Variants in TBC1D9B observed in about 807,000 individuals in gnomAD.
TBC1D9B encodes the protein TBC1 domain family, member 9B (with GRAM domain).
TBC1D9B carries 87 observed loss-of-function variants against 121.1 expected under a neutral mutation model. The observed-to-expected ratio is 0.72, with a 90% CI of 0.60 to 0.86. The LOEUF (loss-of-function observed/expected upper bound fraction) is 0.86. Among genes scored for constraint, TBC1D9B ranks in the 40% least tolerant of loss-of-function variants. The pLI is 0.00. For synonymous variants in TBC1D9B, 668 were observed against 670.1 expected, an observed-to-expected ratio of 1.00 and a Z score of 0.05; for missense variants, 1,540 against 1,628.6, an observed-to-expected ratio of 0.95 and a Z score of 0.94.
In TBC1D9B at chr5:179,865,757, C is replaced by T; in HGVS notation, c.2914+81G>A. ...TCTCCCGGGGTAGGGGGCTCCCTGGCAGTGACTGGGGAAAAGACCAGCAAG... is the reference window on the plus strand; with the variant it reads ...TCTCCCGGGGTAGGGGGCTCCCTGGTAGTGACTGGGGAAAAGACCAGCAAG... On this transcript the variant is annotated intron_variant, in intron 19 of 20. Transcript: ENST00000355235. The surrounding 1 kb of genome is among the most constrained non-coding windows in gnomAD (Gnocchi z 5.1). 1 of 1,473,840 alleles carries T rather than the reference C, an allele frequency of 6.8e-7. No individual in the cohort carries two copies. Among genetic ancestry groups the T allele is most frequent in the Non-Finnish European group, 9.2e-7 (1 of 1,088,394 alleles). The allele number at this position is 1,473,840 out of a possible 1,614,324, so 91.3% of individuals were successfully genotyped here.
chr5:179,907,613 G>GCCGGAA lies in TBC1D9B; in HGVS notation c.118+85_118+90dup, dbSNP rs1761361322. On this transcript the variant is annotated intron_variant, in intron 1 of 20. Transcript: ENST00000355235. The surrounding 1 kb of genome is among the most constrained non-coding windows in gnomAD (Gnocchi z 5.3). ...GTCCGCCGCGACGCGCCGAGGCCGG[G>GCCGGAA]CCGGAACCGGACCCGCCCGCCGCCC... 1.5e-6 allele frequency: 1 copy of GCCGGAA among 682,690 alleles called. No homozygotes were observed. The highest frequency in any genetic ancestry group is 1.8e-6 in the Non-Finnish European group (1 of 556,066). 42.3% of individuals were successfully genotyped at this position (682,690 alleles called of 1,614,324 possible). A position where few individuals can be genotyped will look rare whatever the true frequency, so the allele number is the denominator to read the frequency against.
intron 3 of TBC1D9B, among the ~76,000 whole-genome samples, chr5:179,894,862 G>A (rs1760978019): frequency 6.6e-6 from 1 of 152,162 alleles, no homozygotes; most frequent in Admixed American, 6.5e-5. Context: ...GTTGTGAGCA[G>A]AGGCTTTTTA....
chr5:179,903,701 C>A (rs116716156), intron 2 of TBC1D9B, among the ~76,000 whole-genome samples: 3,662 of 152,326 alleles, frequency 0.024, 105 homozygotes, highest in African/African-American at 0.077. Flanking sequence ...CTGAATGAAG[C>A]TGCTCTCATG....
chr5:179,869,768 C>G lies in TBC1D9B; in HGVS notation c.2791+1G>C. ...CTGGGGAGTGGGCAGGAGGCTCTCA[C>G]CTGGGGGAAGGTGTAGCTTGTAGAG... On this transcript the variant is annotated splice_donor_variant, in intron 17 of 20. Transcript: ENST00000355235. LOFTEE classifies it high-confidence loss of function. 6.2e-7 allele frequency: 1 copy of G among 1,610,004 alleles called. No homozygotes were observed. The highest frequency in any genetic ancestry group is 1.1e-5 in the South Asian group (1 of 90,424).
At position 179,904,995 on chromosome 5, in the gene TBC1D9B, A is replaced by G. The variant is rs1449870458; in HGVS notation, c.119-183T>C. 6.6e-6 allele frequency among the ~76,000 whole-genome samples: 1 copy of G among 152,204 alleles called. No individual in the cohort carries two copies. ...TCAGCCAGTGTCTGATCCCGATCAA[A>G]AACATCCCCTTCTACTTCTTCCTGG... On this transcript the variant is annotated intron_variant, in intron 1 of 20. Transcript: ENST00000355235. This position sits in a 1 kb window ranked among gnomAD's most constrained non-coding sequence, Gnocchi z 4.2.
chr5:179,907,844 C>G lies in TBC1D9B; in HGVS notation c.-23G>C, dbSNP rs1487223957. On this transcript the variant is annotated 5_prime_UTR_variant, in exon 1 of 21. Transcript: ENST00000355235. The surrounding 1 kb of genome is among the most constrained non-coding windows in gnomAD (Gnocchi z 5.3). ...CATCGCGGAGCCGCTCGCACCGGGC[C>G]GAGGCCCGCGAGACGGAAGCGCCCG... The G allele has an allele frequency of 5.6e-6, 6 of 1,070,332 alleles. No individual in the cohort carries two copies. The highest frequency in any genetic ancestry group is 6.8e-6 in the Non-Finnish European group (6 of 877,186). The allele number at this position is 1,070,332 out of a possible 1,614,324, so 66.3% of individuals were successfully genotyped here.
intron 7 of TBC1D9B, among the ~76,000 whole-genome samples, chr5:179,883,273 C>T (rs768466365): frequency 2.2e-4 from 34 of 152,150 alleles, no homozygotes; most frequent in Non-Finnish European, 4.7e-4. Flanking sequence ...TATACAAGTT[C>T]AAGCTTATTT....
rs1366788228 is a variant in TBC1D9B, at chr5:179,870,766, G to A, written c.2485-271C>T. ...TCTGCTGGCCCCAGAGAAGGGCTGA[G>A]CCTTCCTGGCAGGGCTCCAGGGAAA... is the stretch of plus-strand genomic sequence containing the variant. On this transcript the variant is annotated intron_variant, in intron 15 of 20. Coordinates refer to ENST00000355235, the MANE Select transcript of TBC1D9B (RefSeq NM_015043.4). The A allele has an allele frequency of 6.3e-6, 3 of 474,538 alleles. No homozygotes were observed. The East Asian group carries it at 1.1e-4, about 17-fold the overall frequency. The allele number at this position is 474,538 out of a possible 1,614,324, so 29.4% of individuals were successfully genotyped here.
intron 5 of TBC1D9B, 97 bp downstream of exon 5, chr5:179,893,112 C>T: frequency 6.7e-7 from 1 of 1,484,682 alleles, no homozygotes; most frequent in Non-Finnish European, 8.9e-7. Flanking sequence ...AATGTGGACA[C>T]CTTCTCCAGG....
intron 7 of TBC1D9B, among the ~76,000 whole-genome samples, chr5:179,881,945 C>CGTTTTTTTTTTTTTTTT (rs1760554384): frequency 7.2e-6 from 1 of 139,262 alleles, no homozygotes; most frequent in African/African-American, 3.3e-5. Context: ...ATATACCTTC[C>CGTTTTTTTTTTTTTTTT]GTTTTTTTTT....
At chr5:179,873,075 C>T in intron 13 of TBC1D9B, 44 bp downstream of exon 13, 1 of 1,612,114 alleles carries the variant, frequency 6.2e-7, no homozygotes, top group Non-Finnish European at 8.5e-7. Flanking sequence ...AACCCACATG[C>T]CAGATGGAGC....
In TBC1D9B at chr5:179,904,220, C is replaced by CTTTCTTTTTTT. The variant is rs1554098283; in HGVS notation, c.229+481_229+482insAAAAAAAGAAA. Among the ~76,000 whole-genome samples the CTTTCTTTTTTT allele has an allele frequency of 3.2e-4, 26 of 80,904 alleles. 5 individuals are homozygous for CTTTCTTTTTTT. The highest frequency in any genetic ancestry group is 1.3e-3 in the African/African-American group (26 of 20,010). The allele number at this position is 80,904 out of a possible 152,430, so 53.1% of individuals were successfully genotyped here. ...CTGTCCCCATGACCAGTGGAGCTGC[C>CTTTCTTTTTTT]TTTTTTTTTTTTTTTTTTTTTTGAG... On this transcript the variant is annotated intron_variant, in intron 2 of 20. Coordinates refer to ENST00000355235, the MANE Select transcript of TBC1D9B (RefSeq NM_015043.4). This position sits in a 1 kb window ranked among gnomAD's most constrained non-coding sequence, Gnocchi z 4.2.
intron 7 of TBC1D9B, chr5:179,887,850 G>C (rs2113631669): frequency 1.8e-6 from 1 of 558,380 alleles, no homozygotes; most frequent in East Asian, 3.1e-5. Context: ...GACAGCCAGA[G>C]AAGGTTCCTC....
chr5:179,904,865 C>T lies in TBC1D9B; in HGVS notation c.119-53G>A. 7.1e-7 allele frequency: 1 copy of T among 1,403,454 alleles called. No individual in the cohort carries two copies. Among genetic ancestry groups the T allele is most frequent in the Non-Finnish European group, 9.7e-7 (1 of 1,033,426 alleles). 86.9% of individuals were successfully genotyped at this position (1,403,454 alleles called of 1,614,324 possible). On this transcript the variant is annotated intron_variant, in intron 1 of 20. Transcript: ENST00000355235. The surrounding 1 kb of genome is among the most constrained non-coding windows in gnomAD (Gnocchi z 4.2). ...GGTGAGGGGAGGGCCGGACTGAGGC[C>T]CCTGAAGGCTGAGTCTGGCCGGAGG...
chr5:179,899,374 G>T, intron 2 of TBC1D9B, 67 bp from the exon 3 acceptor site: 1 of 1,372,534 alleles, frequency 7.3e-7, no homozygotes, highest in Non-Finnish European at 1.0e-6. Context: ...CACATTCAAA[G>T]AAGCGAGATG....
At position 179,891,529 on chromosome 5, in the gene TBC1D9B, C is replaced by T. The variant is rs1228631530; in HGVS notation, c.894G>A (p.Arg298=). The change falls in exon 6 of 21, where the codon AGG becomes AGA. Residue 298 remains arginine (R), a synonymous_variant. Coordinates refer to ENST00000355235, the MANE Select transcript of TBC1D9B (RefSeq NM_015043.4). This position sits in a 1 kb window ranked among gnomAD's most constrained non-coding sequence, Gnocchi z 4.3. The stretch of plus-strand genomic sequence containing the variant: ...TTGTGTGGCCGTCTAGCCGCTCATC[C>T]CTGGGCAGCCGGAACGTGGCTCGGT... ...ECYRATFRLP[R]DERLDGHTSC... is the part of the protein sequence containing the mutation. 1 of 1,614,048 alleles carries T rather than the reference C, an allele frequency of 6.2e-7. No homozygotes were observed. The highest frequency in any genetic ancestry group is 2.2e-5 in the East Asian group (1 of 44,870).
chr5:179,891,237 G>T lies in TBC1D9B; in HGVS notation c.1044+142C>A. The T allele has an allele frequency of 1.1e-6, 1 of 904,454 alleles. No individual in the cohort carries two copies. The highest frequency in any genetic ancestry group is 1.7e-6 in the Non-Finnish European group (1 of 581,828). The allele number at this position is 904,454 out of a possible 1,614,324, so 56.0% of individuals were successfully genotyped here. ...TACACCCTCCACCTGTCCCATCACTGAGTGACATGTGACTGCCTGGGCTAG... is the reference window on the plus strand; with the variant it reads ...TACACCCTCCACCTGTCCCATCACTTAGTGACATGTGACTGCCTGGGCTAG... On this transcript the variant is annotated intron_variant, in intron 6 of 20. Transcript: ENST00000355235. The surrounding 1 kb of genome is among the most constrained non-coding windows in gnomAD (Gnocchi z 4.3).
At chr5:179,870,671 C>G in intron 15 of TBC1D9B, 176 bp from the exon 16 acceptor site, 1 of 979,808 alleles carries the variant, frequency 1.0e-6, no homozygotes, top group Non-Finnish European at 1.5e-6. Context: ...TCATCAGCCC[C>G]TTGTTAACAG....
chr5:179,863,652 G>A lies in TBC1D9B; in HGVS notation c.3498C>T (p.Ser1166=). 1 of 1,613,844 alleles carries A rather than the reference G, an allele frequency of 6.2e-7. No individual in the cohort carries two copies. Among genetic ancestry groups the A allele is most frequent in the Non-Finnish European group, 8.5e-7 (1 of 1,180,030 alleles). Residue 1166 remains serine (S), a synonymous_variant, in exon 21 of 21, where the codon AGC becomes AGT. Coordinates refer to ENST00000355235, the MANE Select transcript of TBC1D9B (RefSeq NM_015043.4). The surrounding 1 kb of genome is among the most constrained non-coding windows in gnomAD (Gnocchi z 4.5). The part of the protein sequence containing the change: ...DTVLVGGEAC[S]PTARIGGTVD... ...CGGTGCCGCCGATGCGCGCTGTGGG[G>A]CTGCAGGCCTCCCCGCCCACCAGCA...
Sources: allele counts gnomAD v4.1 joint callset (sites outside exome capture counted in the v4.1 genomes callset), GRCh38; gene constraint gnomAD v4.1.1; non-coding constraint Gnocchi (gnomAD v3.1); transcripts MANE v1.5; gene names NCBI Gene and HGNC (gene_info 2026-07-23, HGNC 2026-07-21).